DGKD: variants seen among roughly 807,000 people sequenced by gnomAD.
DGKD encodes the protein diacylglycerol kinase delta.
Under a neutral mutation model 154.4 loss-of-function variants are expected in DGKD, and 68 were observed. The observed-to-expected ratio is 0.44, with a 90% CI of 0.36 to 0.54. DGKD has a LOEUF of 0.54. DGKD is among the 20% of genes least tolerant of loss of function. The probability of loss-of-function intolerance (pLI) is 0.00; values close to 1 mark genes in which losing one functional copy is unlikely to be tolerated. For missense variants in DGKD, 1,343 were observed against 1,593.6 expected (o/e 0.84, Z 2.68); for synonymous variants, 693 against 638.0 (o/e 1.09, Z -1.30).
chr2:233,425,016 G>T (rs1051462833), intron 3 of DGKD, among the ~76,000 whole-genome samples: 1 of 152,134 alleles, frequency 6.6e-6, no homozygotes, highest in Non-Finnish European at 1.5e-5. Context: ...CAGGACATGG[G>T]AGGACATTTT....
intron 1 of DGKD, among the ~76,000 whole-genome samples, chr2:233,386,453 G>A (rs76669400): frequency 0.019 from 2,849 of 151,582 alleles, 93 homozygotes; most frequent in African/African-American, 0.066. Flanking sequence ...TACCAGAATC[G>A]GGGTGGGACT....
intron 3 of DGKD, among the ~76,000 whole-genome samples, chr2:233,394,659 T>TTAG (rs1272234244): frequency 6.6e-6 from 1 of 151,504 alleles, no homozygotes. Flanking sequence ...ACTTTTATCT[T>TTAG]TAGTTTTCCT....
chr2:233,360,951 G>A lies in DGKD; in HGVS notation c.156+6277G>A, dbSNP rs149372359. 1.8e-3 allele frequency among the ~76,000 whole-genome samples: 265 copies of A among 151,026 alleles called. 2 individuals carry two copies. Among genetic ancestry groups the A allele is most frequent in the African/African-American group, 3.8e-3 (155 of 41,090 alleles). On this transcript the variant is annotated intron_variant, in intron 1 of 29. Transcript: ENST00000264057. ...GCGGCCTTCTGATCCCTTGATCTCC[G>A]ACTTCCAGCCCCCAGAGCAGTGAGA... is the stretch of plus-strand genomic sequence containing the variant.
chr2:233,406,860 T>A (rs971347453), intron 3 of DGKD, among the ~76,000 whole-genome samples: 12 of 152,190 alleles, frequency 7.9e-5, no homozygotes, highest in Non-Finnish European at 2.9e-5. Flanking sequence ...TCAGGATGCT[T>A]GCCCTGAAAT....
intron 18 of DGKD, among the ~76,000 whole-genome samples, chr2:233,453,384 C>T (rs144989953): frequency 1.3e-5 from 2 of 152,310 alleles, no homozygotes; most frequent in African/African-American, 2.4e-5. Flanking sequence ...TGTTTCTCTC[C>T]GTTGGATCTC....
intron 3 of DGKD, among the ~76,000 whole-genome samples, chr2:233,401,594 TAGA>T (rs1342572764): frequency 6.6e-6 from 1 of 152,108 alleles, no homozygotes. Flanking sequence ...CAGAGCCATT[TAGA>T]AGGGTCATAT....
At chr2:233,422,929 C>T (rs2062166864) in intron 3 of DGKD, among the ~76,000 whole-genome samples, 1 of 152,150 alleles carries the variant, frequency 6.6e-6, no homozygotes, top group African/African-American at 2.4e-5. Flanking sequence ...ACACATGTCC[C>T]TCTGTAACCC....
chr2:233,458,212 GGAGT>G lies in DGKD; in HGVS notation c.2581-68_2581-65del. 1.0e-6 allele frequency: 1 copy of G among 955,270 alleles called. No individual in the cohort carries two copies. The highest frequency in any genetic ancestry group is 1.6e-6 in the Non-Finnish European group (1 of 609,908). The allele number at this position is 955,270 out of a possible 1,614,324, so 59.2% of individuals were successfully genotyped here. A position where few individuals can be genotyped will look rare whatever the true frequency, so the allele number is the denominator to read the frequency against. On this transcript the variant is annotated intron_variant, in intron 21 of 29. Transcript: ENST00000264057. The surrounding 1 kb of genome is among the most constrained non-coding windows in gnomAD (Gnocchi z 6.6). ...AGGAGGGGCTGACCCCCAGAGGGAG[GGAGT>G]GAGGGTAGGGGCGGCCTGTGCTCGG...
chr2:233,359,677 A>G (rs531070439), intron 1 of DGKD, among the ~76,000 whole-genome samples: 4 of 152,298 alleles, frequency 2.6e-5, no homozygotes, highest in East Asian at 1.9e-4. Context: ...TGGGAATACC[A>G]TGGGCTAGGT....
At chr2:233,373,033 G>C (rs1410860080) in intron 1 of DGKD, among the ~76,000 whole-genome samples, 2 of 152,186 alleles carry the variant, frequency 1.3e-5, no homozygotes, top group African/African-American at 4.8e-5. Flanking sequence ...TGATAAAATG[G>C]GTACTGCGGG....
chr2:233,400,489 C>T (rs1188349839), intron 3 of DGKD, among the ~76,000 whole-genome samples: 2 of 152,252 alleles, frequency 1.3e-5, no homozygotes, highest in Admixed American at 1.3e-4. Flanking sequence ...TCCCTGGCCA[C>T]CTGCTGGCAT....
At position 233,454,746 on chromosome 2, in the gene DGKD, A is replaced by C; in HGVS notation, c.2265-17A>C. 6.6e-7 allele frequency: 1 copy of C among 1,517,192 alleles called. No individual in the cohort carries two copies. Among genetic ancestry groups the C allele is most frequent in the Non-Finnish European group, 9.2e-7 (1 of 1,092,446 alleles). 94.0% of individuals were successfully genotyped at this position (1,517,192 alleles called of 1,614,324 possible). Reference sequence around the variant, plus strand: ...TCAGCAGGGCTGTTGTAATTGATTTAAAACTCACCTTTGCAGAGAGTATTA... The same window carrying C: ...TCAGCAGGGCTGTTGTAATTGATTTCAAACTCACCTTTGCAGAGAGTATTA... On this transcript the variant is annotated splice_polypyrimidine_tract_variant and intron_variant, in intron 18 of 29. Transcript: ENST00000264057.
chr2:233,392,334 A>G (rs1032837809), intron 3 of DGKD: 2 of 152,138 alleles, frequency 1.3e-5, no homozygotes, highest in Admixed American at 6.5e-5. Flanking sequence ...CCTGGGCATT[A>G]ATTTAGATGT....
At position 233,452,050 on chromosome 2, in the gene DGKD, C is replaced by T; in HGVS notation, c.2254C>T (p.Pro752Ser). The T allele has an allele frequency of 1.2e-6, 2 of 1,613,900 alleles. No individual in the cohort carries two copies. The highest frequency in any genetic ancestry group is 2.2e-5 in the South Asian group (2 of 91,082). Reference sequence around the variant, plus strand: ...TAATGCTGATCCCTTCAACTCTGAACCAGAAACCCTGTGAGTATGAGGGAT... The same window carrying T: ...TAATGCTGATCCCTTCAACTCTGAATCAGAAACCCTGTGAGTATGAGGGAT... ...LINADPFNSE[P>S]ETLEYYTEKC... The change falls in exon 18 of 30, where the codon CCA (proline) becomes TCA (serine). Residue 752 changes from proline to serine, a missense_variant. Pro to Ser is a moderately conservative substitution (Grantham distance 74). Around this residue, in one of 6 missense-constraint regions of DGKD, gnomAD observed 409 missense variants for 446.0 expected, o/e 0.92. Transcript: ENST00000264057. The surrounding 1 kb of genome is among the most constrained non-coding windows in gnomAD (Gnocchi z 4.0).
rs1419397935 is a variant in DGKD, at chr2:233,449,316, A to G, written c.1828A>G (p.Met610Val). ...GATATTCCGGCCTCGAGAACAGCTC[A>G]TGCTGAGAGCCAACAGCCTGAAGAA... is the stretch of plus-strand genomic sequence containing the variant. Reference protein sequence around the residue: ...PQIFRPREQLMLRANSLKKAI... With the variant: ...PQIFRPREQLVLRANSLKKAI... The change falls in exon 15 of 30, where the codon ATG becomes GTG. Residue 610 changes from methionine (M) to valine (V), a missense_variant. By Grantham distance (21) the Met-to-Val change is conservative. Coordinates refer to ENST00000264057, the MANE Select transcript of DGKD (RefSeq NM_152879.3). This position sits in a 1 kb window ranked among gnomAD's most constrained non-coding sequence, Gnocchi z 5.3. The G allele has an allele frequency of 6.2e-7, 1 of 1,611,282 alleles. No individual in the cohort carries two copies. Among genetic ancestry groups the G allele is most frequent in the Non-Finnish European group, 8.5e-7 (1 of 1,177,668 alleles).
chr2:233,385,470 G>A (rs1703122520), intron 1 of DGKD, among the ~76,000 whole-genome samples: 1 of 152,196 alleles, frequency 6.6e-6, no homozygotes, highest in African/African-American at 2.4e-5. Context: ...ATTTGTCTCT[G>A]ATTGGAATAA....
chr2:233,419,023 C>G, intron 3 of DGKD, among the ~76,000 whole-genome samples: 1 of 152,156 alleles, frequency 6.6e-6, no homozygotes, highest in Non-Finnish European at 1.5e-5. Flanking sequence ...TTTGAATGGT[C>G]TGTCTCTGGG....
rs1247349961 is a variant in DGKD, at chr2:233,440,682, C to T, written c.1086-1205C>T. Among the ~76,000 whole-genome samples the T allele has an allele frequency of 2.0e-5, 3 of 152,196 alleles. No individual in the cohort carries two copies. Among genetic ancestry groups the T allele is most frequent in the African/African-American group, 7.2e-5 (3 of 41,440 alleles). On this transcript the variant is annotated intron_variant, in intron 9 of 29. Coordinates refer to ENST00000264057, the MANE Select transcript of DGKD (RefSeq NM_152879.3). This position sits in a 1 kb window ranked among gnomAD's most constrained non-coding sequence, Gnocchi z 4.9. ...GCCAGGCAGCAGCAGAAAGGTGGCA[C>T]CTGCCGTCAGGGAGGGCTGCGGGTG...
intron 7 of DGKD, among the ~76,000 whole-genome samples, 161 bp downstream of exon 7, chr2:233,436,602 C>G (rs535905644): frequency 1.3e-5 from 2 of 152,382 alleles, no homozygotes; most frequent in African/African-American, 4.8e-5. Flanking sequence ...CATTCTCCTT[C>G]TTAGCTATGT....
Sources: gnomAD v4.1 joint callset for allele counts (sites outside exome capture counted in the v4.1 genomes callset) on GRCh38, gnomAD v4.1.1 for gene constraint, gnomAD v4.1.1 regional missense constraint, Gnocchi (gnomAD v3.1) non-coding constraint, MANE v1.5 for transcripts, NCBI Gene and HGNC (gene_info 2026-07-23, HGNC 2026-07-21) for gene names.